Variants in PAPPA2 observed in about 807,000 individuals in gnomAD.
The protein encoded by PAPPA2 is pappalysin 2.
In PAPPA2, 86 loss-of-function variants were observed where a neutral mutation model predicts 176.4. The observed-to-expected ratio is 0.49, with a 90% CI of 0.41 to 0.58. The LOEUF is 0.58. PAPPA2 is among the 20% of genes least tolerant of loss of function. The pLI is 0.00. For synonymous variants in PAPPA2, 809 were observed against 852.2 expected (o/e 0.95, Z 0.88); for missense variants, 2,073 against 2,256.9 (o/e 0.92, Z 1.65).
intron 1 of PAPPA2, among the ~76,000 whole-genome samples, chr1:176,532,287 G>T (rs1649856995): frequency 6.6e-6 from 1 of 152,064 alleles, no homozygotes; most frequent in Non-Finnish European, 1.5e-5. Flanking sequence ...TTCCCCATAA[G>T]CATTAAATCT....
chr1:176,522,703 C>T (rs980249924), intron 1 of PAPPA2, among the ~76,000 whole-genome samples: 2 of 152,202 alleles, frequency 1.3e-5, no homozygotes, highest in African/African-American at 4.8e-5. Flanking sequence ...GACTCATTGC[C>T]ATGCCTCTTG....
intron 3 of PAPPA2, among the ~76,000 whole-genome samples, chr1:176,625,737 G>T: frequency 6.6e-6 from 1 of 152,052 alleles, no homozygotes; most frequent in East Asian, 1.9e-4. Flanking sequence ...GAGTATATAC[G>T]ACATACTTGG....
chr1:176,695,875 AT>A lies in PAPPA2; in HGVS notation c.2746+22del. On this transcript the variant is annotated intron_variant, in intron 7 of 22. Transcript: ENST00000367662. ...GAGGCTGTGGGTAAAGTACCATGACATTTTTTCTTTATACCCTGGTGACCAC... is the reference window on the plus strand; with the variant it reads ...GAGGCTGTGGGTAAAGTACCATGACATTTTTCTTTATACCCTGGTGACCAC... 6.2e-7 allele frequency: 1 copy of A among 1,612,782 alleles called. No individual in the cohort carries two copies.
At chr1:176,518,059 G>A (rs944665285) in intron 1 of PAPPA2, among the ~76,000 whole-genome samples, 1 of 152,074 alleles carries the variant, frequency 6.6e-6, no homozygotes, top group Non-Finnish European at 1.5e-5. Flanking sequence ...ATTTTAGAGA[G>A]CTTGAAACAG....
chr1:176,706,020 G>A (rs144389947), intron 9 of PAPPA2, among the ~76,000 whole-genome samples: 16 of 152,214 alleles, frequency 1.1e-4, no homozygotes, highest in Middle Eastern at 6.8e-3. Context: ...ATTCATTATA[G>A]GGCTGGCAGG....
chr1:176,517,838 C>A (rs1354003308), intron 1 of PAPPA2, among the ~76,000 whole-genome samples: 1 of 151,856 alleles, frequency 6.6e-6, no homozygotes. Flanking sequence ...CAGAAGGAAA[C>A]CATAAAATGA....
At chr1:176,654,282 A>G (rs1432669126) in intron 3 of PAPPA2, among the ~76,000 whole-genome samples, 5 of 151,548 alleles carry the variant, frequency 3.3e-5, no homozygotes, top group African/African-American at 9.7e-5. Flanking sequence ...TGGCAATCCA[A>G]CTTTCTAAGC....
At chr1:176,792,769 A>G (rs1665240170) in intron 19 of PAPPA2, among the ~76,000 whole-genome samples, 1 of 152,168 alleles carries the variant, frequency 6.6e-6, no homozygotes, top group South Asian at 2.1e-4. Flanking sequence ...ATAGAAACCT[A>G]GACAGTAAGG....
At position 176,710,062 on chromosome 1, in the gene PAPPA2, T is replaced by C. The variant is rs1312704617; in HGVS notation, c.3537T>C (p.Cys1179=). The change falls in exon 11 of 23, where the codon TGT becomes TGC. Residue 1179 remains cysteine (C), a synonymous_variant. Coordinates refer to ENST00000367662, the MANE Select transcript of PAPPA2 (RefSeq NM_020318.3). ...PFERKTSIVD[C]GIYTPKGYLD... is the part of the protein sequence containing the mutation. Reference sequence around the variant, plus strand: ...AGAGAAAAACCAGCATTGTAGACTGTGGCATCTACACTCCCAAAGGATACT... The same window carrying C: ...AGAGAAAAACCAGCATTGTAGACTGCGGCATCTACACTCCCAAAGGATACT... 2 of 1,613,458 alleles carry C rather than the reference T, an allele frequency of 1.2e-6. No homozygotes were observed. The highest frequency in any genetic ancestry group is 1.1e-5 in the South Asian group (1 of 91,054).
At chr1:176,817,471 T>C (rs908801839) in intron 21 of PAPPA2, among the ~76,000 whole-genome samples, 1 of 152,118 alleles carries the variant, frequency 6.6e-6, no homozygotes, top group African/African-American at 2.4e-5. Context: ...TCAGATGTGA[T>C]ACATTGCTGG....
chr1:176,825,475 A>G (rs1430771597), intron 21 of PAPPA2, among the ~76,000 whole-genome samples: 2 of 152,166 alleles, frequency 1.3e-5, no homozygotes, highest in African/African-American at 2.4e-5. Context: ...ACCCTCTAGT[A>G]TGTCAGCGGC....
intron 1 of PAPPA2, among the ~76,000 whole-genome samples, chr1:176,546,150 G>T (rs1197923630): frequency 6.6e-6 from 1 of 152,106 alleles, no homozygotes; most frequent in Non-Finnish European, 1.5e-5. Context: ...CATGAGATTT[G>T]CTCTCCTTTG....
intron 11 of PAPPA2, 121 bp from the exon 12 acceptor site, chr1:176,711,714 A>C: frequency 8.9e-7 from 1 of 1,118,850 alleles, no homozygotes; most frequent in East Asian, 2.4e-5. Context: ...TTCTGCCAAT[A>C]ATGTGATCAT....
chr1:176,634,596 A>G (rs997850547), intron 3 of PAPPA2, among the ~76,000 whole-genome samples: 9 of 151,292 alleles, frequency 5.9e-5, no homozygotes, highest in South Asian at 2.1e-4. Context: ...TAATAAAAAT[A>G]TATATATATA....
At chr1:176,538,976 C>T (rs1198170335) in intron 1 of PAPPA2, among the ~76,000 whole-genome samples, 1 of 152,220 alleles carries the variant, frequency 6.6e-6, no homozygotes, top group Non-Finnish European at 1.5e-5. Flanking sequence ...CTTCAGTCAT[C>T]TCTGAGCCCT....
At chr1:176,830,277 G>A (rs1342581972) in intron 21 of PAPPA2, among the ~76,000 whole-genome samples, 1 of 152,204 alleles carries the variant, frequency 6.6e-6, no homozygotes, top group Non-Finnish European at 1.5e-5. Context: ...TGGAGGAAAG[G>A]TAAGAGGAGT....
chr1:176,833,852 G>GTA lies in PAPPA2; in HGVS notation c.5203-6305_5203-6304dup, dbSNP rs71747080. On this transcript the variant is annotated intron_variant, in intron 21 of 22. Coordinates refer to ENST00000367662, the MANE Select transcript of PAPPA2 (RefSeq NM_020318.3). ...TATATGTGTATATGTGTCTGTGTGT[G>GTA]TATATATATATATATATGATTTATT... 8.3e-3 allele frequency among the ~76,000 whole-genome samples: 1,229 copies of GTA among 148,848 alleles called. 12 individuals carry two copies. Among genetic ancestry groups the GTA allele is most frequent in the African/African-American group, 0.019 (781 of 40,706 alleles).
In PAPPA2 at chr1:176,487,656, G is replaced by A. The variant is rs142103625; in HGVS notation, c.-917+24238G>A. On this transcript the variant is annotated intron_variant, in intron 1 of 22. Coordinates refer to ENST00000367662, the MANE Select transcript of PAPPA2 (RefSeq NM_020318.3). ...GAATTCATTGTCTTGACTCTAATAAGCATTTATTGAGTGTGACTATTACAA... is the reference window on the plus strand; with the variant it reads ...GAATTCATTGTCTTGACTCTAATAAACATTTATTGAGTGTGACTATTACAA... 4.0e-4 allele frequency among the ~76,000 whole-genome samples: 61 copies of A among 152,196 alleles called. No individual in the cohort carries two copies. The East Asian group carries it at 0.011, about 28-fold the overall frequency.
chr1:176,589,733 CAT>C (rs1188350486), intron 2 of PAPPA2, among the ~76,000 whole-genome samples: 1 of 152,200 alleles, frequency 6.6e-6, no homozygotes, highest in African/African-American at 2.4e-5. Context: ...ACAGTTATAA[CAT>C]GTTTGTTTCT....
Sources: allele counts gnomAD v4.1 joint callset (sites outside exome capture counted in the v4.1 genomes callset), GRCh38; gene constraint gnomAD v4.1.1; transcripts MANE v1.5; gene names NCBI Gene and HGNC (gene_info 2026-07-23, HGNC 2026-07-21).